RYR3: variants seen among roughly 807,000 people sequenced by gnomAD.
RYR3 encodes the protein ryanodine receptor 3.
RYR3 carries 207 observed loss-of-function variants against 584.3 expected under a neutral mutation model. The ratio of observed to expected loss-of-function variants is 0.35; its 90% CI spans 0.32 to 0.40. The LOEUF is 0.40. RYR3 is among the 10% of genes least tolerant of loss of function. The probability of loss-of-function intolerance (pLI) is 1.00; values close to 1 mark genes in which losing one functional copy is unlikely to be tolerated. For missense variants in RYR3, 5,616 were observed against 6,089.2 expected (o/e 0.92, Z 2.59); for synonymous variants, 2,416 against 2,248.5 (o/e 1.07, Z -2.11).
chr15:33,541,872 C>T (rs1401242457), intron 7 of RYR3, among the ~76,000 whole-genome samples: 5 of 152,100 alleles, frequency 3.3e-5, no homozygotes, highest in African/African-American at 4.8e-5. Context: ...CCTCCTGGGT[C>T]TATTGTCAGT....
chr15:33,726,490 G>A lies in RYR3; in HGVS notation c.7017G>A (p.Leu2339=). 2 of 1,598,732 alleles carry A rather than the reference G, an allele frequency of 1.3e-6. No homozygotes were observed. The highest frequency in any genetic ancestry group is 1.7e-6 in the Non-Finnish European group (2 of 1,172,468). ...GGATCATCAGCATCCCCTTGAAACT[G>A]CCCTCCCTCAACAAAGGTAAGGGGA... ...LVGIISIPLK[L]PSLNKDGSVS... is the part of the protein sequence containing the mutation. The change falls in exon 46 of 104, where the codon CTG becomes CTA. Residue 2339 remains leucine (L), a synonymous_variant. Coordinates refer to ENST00000634891, the MANE Select transcript of RYR3 (RefSeq NM_001036.6).
In RYR3 at chr15:33,623,916, C is replaced by A; in HGVS notation, c.2467C>A (p.Pro823Thr). Residue 823 changes from proline to threonine, a missense_variant, in exon 20 of 104, where the codon CCT becomes ACT. By Grantham distance (38) the Pro-to-Thr change is conservative. This residue lies in a region of RYR3 where 1,284 missense variants were observed against 1,344.6 expected (regional missense o/e 0.95). Coordinates refer to ENST00000634891, the MANE Select transcript of RYR3 (RefSeq NM_001036.6). ...LLPKEKMRLE[P>T]VKEYKRDADG... ...TCCAAAAGAGAAGATGAGATTGGAG[C>A]CTGTCAAAGAATATAAACGTGATGC... 1.2e-6 allele frequency: 2 copies of A among 1,613,696 alleles called. No homozygotes were observed. Among genetic ancestry groups the A allele is most frequent in the Non-Finnish European group, 1.7e-6 (2 of 1,179,622 alleles).
At position 33,412,151 on chromosome 15, in the gene RYR3, A is replaced by G. The variant is rs2043455670; in HGVS notation, c.52-61268A>G. 1.3e-5 allele frequency among the ~76,000 whole-genome samples: 2 copies of G among 152,176 alleles called. No homozygotes were observed. The highest frequency in any genetic ancestry group is 4.8e-5 in the African/African-American group (2 of 41,444). ...AGGCGAGTAAGAGATTATAAATATT[A>G]TCATTGAAATGAGGTAGGCTTATTT... On this transcript the variant is annotated intron_variant, in intron 1 of 103. Coordinates refer to ENST00000634891, the MANE Select transcript of RYR3 (RefSeq NM_001036.6). This position sits in a 1 kb window ranked among gnomAD's most constrained non-coding sequence, Gnocchi z 4.3.
At chr15:33,558,256 C>G (rs551336257) in intron 10 of RYR3, among the ~76,000 whole-genome samples, 1 of 151,814 alleles carries the variant, frequency 6.6e-6, no homozygotes, top group African/African-American at 2.4e-5. Context: ...ATCCCCCCAC[C>G]CCACAACAGG....
At chr15:33,401,947 A>G (rs1446261366) in intron 1 of RYR3, among the ~76,000 whole-genome samples, 1 of 152,166 alleles carries the variant, frequency 6.6e-6, no homozygotes, top group Non-Finnish European at 1.5e-5. Context: ...AATTTCAACA[A>G]TGGCTTTTTG....
intron 2 of RYR3, among the ~76,000 whole-genome samples, chr15:33,480,765 G>A (rs1044229754): frequency 6.6e-6 from 1 of 152,188 alleles, no homozygotes; most frequent in Non-Finnish European, 1.5e-5. Flanking sequence ...TTATGGCCCA[G>A]CATATGGTCT....
In RYR3 at chr15:33,841,891, A is replaced by G; in HGVS notation, c.13065A>G (p.Lys4355=). The change falls in exon 91 of 104, where the codon AAA becomes AAG. Residue 4355 remains lysine, a synonymous_variant. Coordinates refer to ENST00000634891, the MANE Select transcript of RYR3 (RefSeq NM_001036.6). ...ADMEDGEKED[K]DKEEEQAEYL... Reference sequence around the variant, plus strand: ...TGGAAGATGGAGAGAAGGAAGACAAAGACAAAGAAGAGGAGCAAGCTGAGT... The same window carrying G: ...TGGAAGATGGAGAGAAGGAAGACAAGGACAAAGAAGAGGAGCAAGCTGAGT... 6.3e-7 allele frequency: 1 copy of G among 1,596,422 alleles called. No homozygotes were observed. The highest frequency in any genetic ancestry group is 8.5e-7 in the Non-Finnish European group (1 of 1,171,536).
At position 33,843,592 on chromosome 15, in the gene RYR3, G is replaced by T. The variant is rs751429318; in HGVS notation, c.13296+18G>T. ...TTTATAAGGTGATACTTCATTCAGG[G>T]GTTATTTGCTAAATATGCTGTATAC... On this transcript the variant is annotated intron_variant, in intron 92 of 103. Coordinates refer to ENST00000634891, the MANE Select transcript of RYR3 (RefSeq NM_001036.6). 3.3e-6 allele frequency: 5 copies of T among 1,498,284 alleles called. No homozygotes were observed. The African/African-American group carries it at 4.1e-5, about 12-fold the overall frequency. 92.8% of individuals were successfully genotyped at this position (1,498,284 alleles called of 1,614,324 possible).
At chr15:33,693,264 G>A (rs898590605) in intron 38 of RYR3, among the ~76,000 whole-genome samples, 7 of 152,220 alleles carry the variant, frequency 4.6e-5, no homozygotes, top group Non-Finnish European at 7.3e-5. Flanking sequence ...CTGGTGCCCC[G>A]GGCTCTGCAG....
At chr15:33,417,755 T>C (rs1482701973) in intron 1 of RYR3, among the ~76,000 whole-genome samples, 1 of 152,202 alleles carries the variant, frequency 6.6e-6, no homozygotes, top group Non-Finnish European at 1.5e-5. Context: ...CATCCTTGTC[T>C]TGTTCCGGTT....
chr15:33,563,629 T>A (rs1488177208), intron 11 of RYR3, among the ~76,000 whole-genome samples: 1 of 152,210 alleles, frequency 6.6e-6, no homozygotes, highest in African/African-American at 2.4e-5. Flanking sequence ...GATGTGATGC[T>A]TTTATTCCTG....
At chr15:33,364,798 C>A (rs1975255251) in intron 1 of RYR3, among the ~76,000 whole-genome samples, 2 of 152,134 alleles carry the variant, frequency 1.3e-5, no homozygotes, top group Admixed American at 1.3e-4. Flanking sequence ...GGCAGAAGAA[C>A]CTTAGATTTG....
At chr15:33,516,390 C>T (rs2053525392) in intron 3 of RYR3, among the ~76,000 whole-genome samples, 1 of 151,368 alleles carries the variant, frequency 6.6e-6, no homozygotes, top group Non-Finnish European at 1.5e-5. Flanking sequence ...GTCACCCTGG[C>T]TAGCGTGCAG....
At position 33,865,248 on chromosome 15, in the gene RYR3, C is replaced by G; in HGVS notation, c.*22C>G. On this transcript the variant is annotated 3_prime_UTR_variant, in exon 104 of 104. Coordinates refer to ENST00000634891, the MANE Select transcript of RYR3 (RefSeq NM_001036.6). ...ATAAATCTGAATCAAAGAAGCGCGA[C>G]AATTCTGGACAGTCAACTTCCCATG... is the stretch of plus-strand genomic sequence containing the variant. 1 of 1,523,950 alleles carries G rather than the reference C, an allele frequency of 6.6e-7. No individual in the cohort carries two copies. Among genetic ancestry groups the G allele is most frequent in the Non-Finnish European group, 9.0e-7 (1 of 1,105,056 alleles). 94.4% of individuals were successfully genotyped at this position (1,523,950 alleles called of 1,614,324 possible).
chr15:33,709,589 G>A (rs1168306979), intron 43 of RYR3, among the ~76,000 whole-genome samples: 1 of 152,180 alleles, frequency 6.6e-6, no homozygotes, highest in Non-Finnish European at 1.5e-5. Context: ...AAAATGGCTG[G>A]AGGCCACGAG....
intron 1 of RYR3, among the ~76,000 whole-genome samples, chr15:33,456,816 AGTT>A (rs2047601184): frequency 1.3e-5 from 2 of 152,190 alleles, no homozygotes; most frequent in Admixed American, 6.5e-5. Context: ...CAATAGTTGC[AGTT>A]GTGTGATAAA....
At chr15:33,596,582 T>C (rs542468069) in intron 16 of RYR3, among the ~76,000 whole-genome samples, 1 of 152,250 alleles carries the variant, frequency 6.6e-6, no homozygotes, top group Admixed American at 6.5e-5. Context: ...TACATAGTGA[T>C]GTTGTGATAC....
rs532160920 is a variant in RYR3 at position 33,794,923 on chromosome 15, T to G, written c.9831-5847T>G. Among the ~76,000 whole-genome samples the G allele has an allele frequency of 1.0e-3, 158 of 152,280 alleles. 1 individual carries two copies. Among genetic ancestry groups the G allele is most frequent in the African/African-American group, 3.6e-3 (151 of 41,550 alleles). On this transcript the variant is annotated intron_variant, in intron 67 of 103. Transcript: ENST00000634891. The stretch of plus-strand genomic sequence containing the variant: ...ATCGTGACTTTCTGCCTCTGGTTAT[T>G]GGGAAAAGTGGGGAGCAAAAGACAA...
In RYR3 at chr15:33,320,397, A is replaced by G. The variant is rs79985964; in HGVS notation, c.51+9301A>G. ...AGACATCATGAAATCTAAAGAAAGC[A>G]GGGTGTGCATTCAACATGTATTGAC... On this transcript the variant is annotated intron_variant, in intron 1 of 103. Transcript: ENST00000634891. Among the ~76,000 whole-genome samples the G allele has an allele frequency of 5.3e-3, 810 of 152,342 alleles. 5 individuals are homozygous for G. The highest frequency in any genetic ancestry group is 0.018 in the African/African-American group (766 of 41,568).
Sources: allele counts gnomAD v4.1 joint callset (sites outside exome capture counted in the v4.1 genomes callset), GRCh38; gene constraint gnomAD v4.1.1; regional missense constraint gnomAD v4.1.1; non-coding constraint Gnocchi (gnomAD v3.1); transcripts MANE v1.5; gene names NCBI Gene and HGNC (gene_info 2026-07-23, HGNC 2026-07-21).